The following ETFDH variants were observed in gnomAD, a reference collection of about 807,000 sequenced individuals.
The protein encoded by ETFDH is electron transfer flavoprotein-ubiquinone oxidoreductase, mitochondrial.
ETFDH carries 61 observed loss-of-function variants against 73.2 expected under a neutral mutation model. That is an observed-to-expected ratio of 0.83 (90% CI 0.68 to 1.03). ETFDH has a LOEUF of 1.03. Among genes scored for constraint, ETFDH ranks in the 50% least tolerant of loss-of-function variants. ETFDH has a pLI of 0.00. For missense variants in ETFDH, 685 were observed against 745.0 expected (o/e 0.92, Z 0.94); for synonymous variants, 243 against 253.3 (o/e 0.96, Z 0.39).
chr4:158,680,877 C>T (rs1228709815), intron 2 of ETFDH, among the ~76,000 whole-genome samples: 1 of 152,152 alleles, frequency 6.6e-6, no homozygotes, highest in Non-Finnish European at 1.5e-5. Flanking sequence ...CAACACATTA[C>T]TCAATTATTT....
At chr4:158,676,453 C>G (rs569574987) in intron 1 of ETFDH, among the ~76,000 whole-genome samples, 5 of 152,320 alleles carry the variant, frequency 3.3e-5, no homozygotes, top group African/African-American at 1.2e-4. Flanking sequence ...AGCTGCATGA[C>G]TCTTAAACCA....
At chr4:158,687,374 T>A (rs960668253) in intron 5 of ETFDH, among the ~76,000 whole-genome samples, 5 of 152,170 alleles carry the variant, frequency 3.3e-5, no homozygotes, top group Non-Finnish European at 7.3e-5. Flanking sequence ...CAGTTCAGCA[T>A]GTCAAAGCAC....
intron 4 of ETFDH, chr4:158,684,874 A>G (rs1773962082): frequency 1.6e-6 from 1 of 622,042 alleles, no homozygotes. Context: ...AAGAATTGAG[A>G]TAGCCTTGTA....
chr4:158,690,458 A>T, intron 6 of ETFDH, 33 bp downstream of exon 6: 1 of 1,196,478 alleles, frequency 8.4e-7, no homozygotes, highest in East Asian at 2.3e-5. Context: ...TGCTTAATAA[A>T]GCGACAAACA....
intron 10 of ETFDH, among the ~76,000 whole-genome samples, chr4:158,705,278 A>C (rs779513720): frequency 3.3e-5 from 5 of 152,136 alleles, no homozygotes; most frequent in Non-Finnish European, 7.4e-5. Flanking sequence ...GGTCTCTGCA[A>C]TCTCAAATTC....
chr4:158,678,848 A>G lies in ETFDH; in HGVS notation c.35-1619A>G, dbSNP rs960732876. Among the ~76,000 whole-genome samples the G allele has an allele frequency of 2.6e-5, 4 of 151,986 alleles. No individual in the cohort carries two copies. The East Asian group carries it at 5.8e-4, about 22-fold the overall frequency. On this transcript the variant is annotated intron_variant, in intron 1 of 12. Coordinates refer to ENST00000511912, the MANE Select transcript of ETFDH (RefSeq NM_004453.4). ...CTTTTTATTTTTTATTTCTGTAGAG[A>G]AGAGGTCTTGCTATATTGCCTAGGA...
intron 1 of ETFDH, among the ~76,000 whole-genome samples, chr4:158,676,909 C>A (rs774571802): frequency 2.0e-5 from 3 of 152,010 alleles, no homozygotes; most frequent in Non-Finnish European, 4.4e-5. Context: ...GATTATTTGT[C>A]TTTTGTTACT....
rs376153836 is a variant in ETFDH, at chr4:158,697,543, C to CT, written c.832-3dup. 0.034 allele frequency: 42,494 copies of CT among 1,257,774 alleles called. No homozygotes were observed. The highest frequency in any genetic ancestry group is 0.039 in the Non-Finnish European group (35,040 of 902,252). The allele number at this position is 1,257,774 out of a possible 1,614,324, so 77.9% of individuals were successfully genotyped here. ...AAATACTGCAGGACTTTTTTGTTTG[C>CT]TTTTTTTTTTTTTAGTTATGGGTTA... On this transcript the variant is annotated splice_polypyrimidine_tract_variant and intron_variant, in intron 7 of 12. Coordinates refer to ENST00000511912, the MANE Select transcript of ETFDH (RefSeq NM_004453.4).
In ETFDH at chr4:158,709,196, A is replaced by G. The variant is rs1774729599; in HGVS notation, c.*669A>G. The stretch of plus-strand genomic sequence containing the variant: ...TACAAGTTTAAAAAGACTGGACACC[A>G]TTATTTTTTATGAATAATGCACATA... On this transcript the variant is annotated 3_prime_UTR_variant, in exon 13 of 13. Transcript: ENST00000511912. The G allele has an allele frequency of 6.5e-6, 1 of 152,940 alleles. No homozygotes were observed. Among genetic ancestry groups the G allele is most frequent in the Admixed American group, 6.5e-5 (1 of 15,352 alleles). 9.5% of individuals were successfully genotyped at this position (152,940 alleles called of 1,614,324 possible).
chr4:158,705,774 A>G (rs1774593238), intron 10 of ETFDH, among the ~76,000 whole-genome samples: 1 of 152,242 alleles, frequency 6.6e-6, no homozygotes, highest in Non-Finnish European at 1.5e-5. Flanking sequence ...CCATGTTTTA[A>G]AAAATTACTT....
At chr4:158,705,700 A>G (rs966089077) in intron 10 of ETFDH, among the ~76,000 whole-genome samples, 5 of 152,350 alleles carry the variant, frequency 3.3e-5, no homozygotes, top group African/African-American at 1.2e-4. Flanking sequence ...TAACATATCT[A>G]TATCTAATGG....
intron 10 of ETFDH, among the ~76,000 whole-genome samples, chr4:158,705,005 C>T (rs1481544545): frequency 6.6e-6 from 1 of 151,934 alleles, no homozygotes; most frequent in East Asian, 1.9e-4. Flanking sequence ...TAGTACCACA[C>T]ATAGATAATA....
In ETFDH at chr4:158,708,384, G is replaced by C. The variant is rs370159889; in HGVS notation, c.1711G>C (p.Val571Leu). The C allele has an allele frequency of 3.1e-5, 50 of 1,610,768 alleles. No homozygotes were observed. Among genetic ancestry groups the C allele is most frequent in the Non-Finnish European group, 4.2e-5 (50 of 1,177,108 alleles). ...TTCAGGAGTTTATGAATTTGTACCT[G>C]TGGAACAAGGTGATGGATTTCGGTT... ...CPAGVYEFVPVEQGDGFRLQI... is the reference protein window; with the variant it reads ...CPAGVYEFVPLEQGDGFRLQI... The change falls in exon 13 of 13, where the codon GTG (valine) becomes CTG (leucine). Residue 571 changes from valine to leucine, a missense_variant. Around this residue, in one of 3 missense-constraint regions of ETFDH, gnomAD observed 201 missense variants for 225.2 expected, o/e 0.89. Transcript: ENST00000511912.
intron 1 of ETFDH, among the ~76,000 whole-genome samples, chr4:158,674,328 C>G (rs1773661204): frequency 6.6e-6 from 1 of 151,650 alleles, no homozygotes; most frequent in African/African-American, 2.4e-5. Context: ...GTTTTTTTGA[C>G]ACAGTCTTGC....
At chr4:158,675,145 A>C (rs1773680334) in intron 1 of ETFDH, among the ~76,000 whole-genome samples, 1 of 152,172 alleles carries the variant, frequency 6.6e-6, no homozygotes, top group Non-Finnish European at 1.5e-5. Flanking sequence ...TGAAACCATC[A>C]CTGCAGTCTA....
At chr4:158,676,004 G>A (rs953467157) in intron 1 of ETFDH, among the ~76,000 whole-genome samples, 8 of 152,198 alleles carry the variant, frequency 5.3e-5, no homozygotes, top group African/African-American at 1.4e-4. Context: ...TATTGAAACC[G>A]CCCAACAGGT....
At chr4:158,679,077 T>G (rs1773780829) in intron 1 of ETFDH, among the ~76,000 whole-genome samples, 1 of 152,200 alleles carries the variant, frequency 6.6e-6, no homozygotes, top group African/African-American at 2.4e-5. Flanking sequence ...CACCATTTAA[T>G]GAGTAACCAT....
At chr4:158,675,942 C>T (rs190391102) in intron 1 of ETFDH, among the ~76,000 whole-genome samples, 102 of 152,194 alleles carry the variant, frequency 6.7e-4, no homozygotes, top group African/African-American at 2.4e-3. Flanking sequence ...TTTTGCATTC[C>T]CCCAGGAGTG....
At chr4:158,678,368 C>G (rs1265241328) in intron 1 of ETFDH, among the ~76,000 whole-genome samples, 4 of 152,124 alleles carry the variant, frequency 2.6e-5, no homozygotes, top group Non-Finnish European at 5.9e-5. Context: ...TTTGTCTGAT[C>G]ATTTCTCATG....
Sources: gnomAD v4.1 joint callset for allele counts (sites outside exome capture counted in the v4.1 genomes callset) on GRCh38, gnomAD v4.1.1 for gene constraint, gnomAD v4.1.1 regional missense constraint, MANE v1.5 for transcripts, NCBI Gene and HGNC (gene_info 2026-07-23, HGNC 2026-07-21) for gene names.